Variants in PTPN1 observed in about 807,000 individuals in gnomAD.
The protein encoded by PTPN1 is protein tyrosine phosphatase non-receptor type 1, also known as tyrosine-protein phosphatase non-receptor type 1.
PTPN1 carries 12 observed loss-of-function variants against 59.9 expected under a neutral mutation model. That is an observed-to-expected ratio of 0.20 (90% CI 0.13 to 0.32). PTPN1 has a LOEUF of 0.32. PTPN1 is among the 10% of genes least tolerant of loss of function. The pLI is 1.00. For missense variants in PTPN1, 356 were observed against 549.2 expected (o/e 0.65, Z 3.52); for synonymous variants, 178 against 203.6 (o/e 0.87, Z 1.07).
chr20:50,548,569 G>C lies in PTPN1; in HGVS notation c.64-12794G>C, dbSNP rs983964387. On this transcript the variant is annotated intron_variant, in intron 1 of 9. Transcript: ENST00000371621. ...GCCTCCCAGGTAGCTAGGAATACAG[G>C]TGTGAGAGCCGCCACACCCAGCTGA... 2.0e-5 allele frequency among the ~76,000 whole-genome samples: 3 copies of C among 151,956 alleles called. No individual in the cohort carries two copies. The East Asian group carries it at 5.8e-4, about 29-fold the overall frequency.
At chr20:50,533,642 C>G (rs1002197317) in intron 1 of PTPN1, among the ~76,000 whole-genome samples, 7 of 152,086 alleles carry the variant, frequency 4.6e-5, no homozygotes, top group African/African-American at 1.7e-4. Flanking sequence ...CTTTTTGTCC[C>G]TGACTTGGTG....
intron 1 of PTPN1, among the ~76,000 whole-genome samples, chr20:50,522,155 C>T (rs2082554376): frequency 6.6e-6 from 1 of 152,156 alleles, no homozygotes; most frequent in African/African-American, 2.4e-5. Flanking sequence ...CCCTTCCCGC[C>T]CTTCCTCTTT....
chr20:50,526,785 T>TG (rs2082577750), intron 1 of PTPN1, among the ~76,000 whole-genome samples: 2 of 152,258 alleles, frequency 1.3e-5, no homozygotes, highest in South Asian at 4.1e-4. Context: ...GTCAGTCACT[T>TG]TAGATGCTGC....
chr20:50,579,597 GC>G lies in PTPN1; in HGVS notation c.865-104del, dbSNP rs1378219138. On this transcript the variant is annotated intron_variant, in intron 7 of 9. Coordinates refer to ENST00000371621, the MANE Select transcript of PTPN1 (RefSeq NM_002827.4). Reference sequence around the variant, plus strand: ...AAGTACATGGCTGCAGCCCTGAGAGGCCGAGAGCCCCTCGCCAAGCCGTCAC... The same window carrying G: ...AAGTACATGGCTGCAGCCCTGAGAGGCGAGAGCCCCTCGCCAAGCCGTCAC... 9 of 1,052,642 alleles carry G rather than the reference GC, an allele frequency of 8.5e-6. No homozygotes were observed. The African/African-American group carries it at 1.1e-4, about 13-fold the overall frequency. 65.2% of individuals were successfully genotyped at this position (1,052,642 alleles called of 1,614,324 possible). A position where few individuals can be genotyped will look rare whatever the true frequency, so the allele number is the denominator to read the frequency against.
At chr20:50,567,505 A>G (rs1007484759) in intron 3 of PTPN1, among the ~76,000 whole-genome samples, 32 of 152,208 alleles carry the variant, frequency 2.1e-4, no homozygotes, top group African/African-American at 7.7e-4. Context: ...GATGCTGGCC[A>G]AGGACATGAC....
rs145668703 is a variant in PTPN1 at position 50,531,333 on chromosome 20, T to C, written c.63+20743T>C. 1.9e-3 allele frequency among the ~76,000 whole-genome samples: 287 copies of C among 152,244 alleles called. 1 individual carries two copies. Among genetic ancestry groups the C allele is most frequent in the Middle Eastern group, 3.4e-3 (1 of 294 alleles). Reference sequence around the variant, plus strand: ...AGAGGTGGGACAGTTGAGGACAAAGTAGAAATAAAACCTTCAAGGCGGGGT... The same window carrying C: ...AGAGGTGGGACAGTTGAGGACAAAGCAGAAATAAAACCTTCAAGGCGGGGT... On this transcript the variant is annotated intron_variant, in intron 1 of 9. Transcript: ENST00000371621.
chr20:50,530,391 T>G (rs1385941507), intron 1 of PTPN1, among the ~76,000 whole-genome samples: 1 of 152,108 alleles, frequency 6.6e-6, no homozygotes, highest in Non-Finnish European at 1.5e-5. Context: ...GGAGTCTTGC[T>G]CTGTCACCAG....
intron 1 of PTPN1, among the ~76,000 whole-genome samples, chr20:50,549,744 T>TA (rs1173168293): frequency 2.0e-5 from 3 of 152,234 alleles, no homozygotes; most frequent in African/African-American, 4.8e-5. Context: ...GCTTTTTCTT[T>TA]ATTATTAAAC....
chr20:50,576,815 C>T (rs1168076328), intron 5 of PTPN1, among the ~76,000 whole-genome samples: 1 of 152,122 alleles, frequency 6.6e-6, no homozygotes, highest in Non-Finnish European at 1.5e-5. Flanking sequence ...GCGGAGGTTG[C>T]ATTGAGCCGA....
Position 50,583,187 on chromosome 20 carries a change from T to G in PTPN1, c.*472T>G, listed in dbSNP as rs2082878308. 6.2e-6 allele frequency: 1 copy of G among 160,282 alleles called. No homozygotes were observed. The highest frequency in any genetic ancestry group is 1.9e-4 in the South Asian group (1 of 5,258). The allele number at this position is 160,282 out of a possible 1,614,324, so 9.9% of individuals were successfully genotyped here. The stretch of plus-strand genomic sequence containing the variant: ...TCTTGAACCAATAATGTATTAAAAT[T>G]TTTTGATGTCAGCCTTGCATCAAGG... On this transcript the variant is annotated 3_prime_UTR_variant, in exon 10 of 10. Coordinates refer to ENST00000371621, the MANE Select transcript of PTPN1 (RefSeq NM_002827.4).
intron 1 of PTPN1, among the ~76,000 whole-genome samples, chr20:50,526,006 C>A (rs2082573569): frequency 6.6e-6 from 1 of 151,994 alleles, no homozygotes; most frequent in Admixed American, 6.6e-5. Flanking sequence ...GCAGAAGACC[C>A]CAGTTTGATT....
intron 1 of PTPN1, among the ~76,000 whole-genome samples, chr20:50,523,828 A>G (rs1033079956): frequency 1.3e-5 from 2 of 152,214 alleles, no homozygotes; most frequent in Non-Finnish European, 2.9e-5. Flanking sequence ...AGGATAGTGT[A>G]TAAAGGTAAT....
intron 1 of PTPN1, among the ~76,000 whole-genome samples, chr20:50,518,042 T>A (rs1199476702): frequency 2.6e-5 from 4 of 152,218 alleles, no homozygotes; most frequent in African/African-American, 9.6e-5. Context: ...AATTTCTTAG[T>A]GATTAGAAAA....
chr20:50,562,601 T>G (rs1264768089), intron 2 of PTPN1, among the ~76,000 whole-genome samples: 1 of 152,218 alleles, frequency 6.6e-6, no homozygotes, highest in African/African-American at 2.4e-5. Flanking sequence ...CAGTAAATGT[T>G]GTCTGTGGTG....
chr20:50,540,730 A>G (rs1601397444), intron 1 of PTPN1, among the ~76,000 whole-genome samples: 1 of 152,216 alleles, frequency 6.6e-6, no homozygotes, highest in Non-Finnish European at 1.5e-5. Flanking sequence ...CAGCCTGCCA[A>G]GTACTCAAGA....
chr20:50,537,271 C>T (rs138991577), intron 1 of PTPN1, among the ~76,000 whole-genome samples: 7,602 of 152,110 alleles, frequency 0.05, 273 homozygotes, highest in Non-Finnish European at 0.076. Context: ...TGCAGTGAGC[C>T]GAGATGGTAC....
chr20:50,580,405 G>A (rs1026856494), intron 8 of PTPN1, among the ~76,000 whole-genome samples: 4 of 152,152 alleles, frequency 2.6e-5, no homozygotes, highest in African/African-American at 9.7e-5. Context: ...TGATATGTGT[G>A]GTGTACTGAG....
rs1187490215 is a variant in PTPN1, at chr20:50,584,382, A to G, written c.*1667A>G. ...GTGTGTATATATAGTAGCATTTCAA[A>G]ATGGACGTACTGGTTTAACCTCCTA... On this transcript the variant is annotated 3_prime_UTR_variant, in exon 10 of 10. Transcript: ENST00000371621. The G allele has an allele frequency of 2.0e-5, 3 of 152,562 alleles. No individual in the cohort carries two copies. The highest frequency in any genetic ancestry group is 7.2e-5 in the African/African-American group (3 of 41,424). 9.5% of individuals were successfully genotyped at this position (152,562 alleles called of 1,614,324 possible). A position where few individuals can be genotyped will look rare whatever the true frequency, so the allele number is the denominator to read the frequency against.
intron 3 of PTPN1, among the ~76,000 whole-genome samples, chr20:50,566,728 G>A (rs568380457): frequency 4.9e-4 from 74 of 152,256 alleles, no homozygotes; most frequent in African/African-American, 1.5e-3. Flanking sequence ...CACCTCCCCC[G>A]TGCAGTGTCA....
Sources: gnomAD v4.1 joint callset for allele counts (sites outside exome capture counted in the v4.1 genomes callset) on GRCh38, gnomAD v4.1.1 for gene constraint, MANE v1.5 for transcripts, NCBI Gene and HGNC (gene_info 2026-07-23, HGNC 2026-07-21) for gene names.